The following SEMA6D variants were observed in gnomAD, a reference collection of about 807,000 sequenced individuals.
SEMA6D encodes the protein semaphorin-6D.
In SEMA6D, 35 loss-of-function variants were observed where a neutral mutation model predicts 106.6. That is an observed-to-expected ratio of 0.33 (90% confidence interval 0.25 to 0.44). The LOEUF is 0.44. Among genes scored for constraint, SEMA6D ranks in the 20% least tolerant of loss-of-function variants. The pLI is 1.00. For missense variants in SEMA6D, 1,185 were observed against 1,345.9 expected, an observed-to-expected ratio of 0.88 and a Z score of 1.87; for synonymous variants, 499 against 487.7, an observed-to-expected ratio of 1.02 and a Z score of -0.31.
chr15:47,666,339 C>A (rs1481050459), intron 4 of SEMA6D, among the ~76,000 whole-genome samples: 1 of 152,170 alleles, frequency 6.6e-6, no homozygotes, highest in African/African-American at 2.4e-5. Flanking sequence ...TAAGAAAACC[C>A]CTATTTTGCC....
intron 3 of SEMA6D, among the ~76,000 whole-genome samples, chr15:47,531,248 C>T (rs2044951611): frequency 1.3e-5 from 2 of 152,300 alleles, no homozygotes; most frequent in South Asian, 2.1e-4. Flanking sequence ...CAAATAGACA[C>T]TTTAAAATTA....
At chr15:47,356,423 G>A (rs1480034283) in intron 1 of SEMA6D, among the ~76,000 whole-genome samples, 4 of 152,184 alleles carry the variant, frequency 2.6e-5, no homozygotes, top group Admixed American at 2.6e-4. Flanking sequence ...GCACAAATGA[G>A]AGCACAGTTA....
chr15:47,518,585 A>G (rs1169905610), intron 3 of SEMA6D, among the ~76,000 whole-genome samples: 1 of 152,244 alleles, frequency 6.6e-6, no homozygotes, highest in Non-Finnish European at 1.5e-5. Context: ...AACAACGGTA[A>G]GTATTTATAT....
intron 2 of SEMA6D, among the ~76,000 whole-genome samples, chr15:47,469,720 A>G (rs924966312): frequency 1.3e-5 from 2 of 151,938 alleles, no homozygotes; most frequent in African/African-American, 2.4e-5. Flanking sequence ...TTAGCTTCCA[A>G]TCTCCCAGGT....
At chr15:47,257,094 G>A (rs1363412422) in intron 1 of SEMA6D, among the ~76,000 whole-genome samples, 1 of 141,940 alleles carries the variant, frequency 7.0e-6, no homozygotes, top group Non-Finnish European at 1.5e-5. Context: ...GTCTCGCTCT[G>A]TTGCCCAGGC....
chr15:47,227,419 C>CTCTCTCTTTCTTTCTTTCTT (rs141918693), intron 1 of SEMA6D, among the ~76,000 whole-genome samples: 39 of 115,426 alleles, frequency 3.4e-4, no homozygotes, highest in South Asian at 1.7e-3. Context: ...TTCTTTCTTT[C>CTCTCTCTTTCTTTCTTTCTT]TCTTTCTTTC....
intron 1 of SEMA6D, among the ~76,000 whole-genome samples, chr15:47,216,113 T>C (rs1000335354): frequency 6.6e-6 from 1 of 152,138 alleles, no homozygotes; most frequent in Non-Finnish European, 1.5e-5. Context: ...ATGGTTCTTT[T>C]TTTCTTTTAA....
intron 3 of SEMA6D, among the ~76,000 whole-genome samples, chr15:47,599,814 A>G (rs2076610586): frequency 6.6e-6 from 1 of 152,090 alleles, no homozygotes; most frequent in East Asian, 1.9e-4. Flanking sequence ...TAATCAATCA[A>G]TTTTGCCCAT....
intron 1 of SEMA6D, among the ~76,000 whole-genome samples, chr15:47,235,430 C>T (rs969713263): frequency 2.6e-5 from 4 of 151,708 alleles, no homozygotes; most frequent in African/African-American, 9.7e-5. Context: ...AAGTGTTTTC[C>T]CTAGGTTTTA....
At chr15:47,708,998 CT>C (rs1044124477) in intron 4 of SEMA6D, among the ~76,000 whole-genome samples, 2 of 152,118 alleles carry the variant, frequency 1.3e-5, no homozygotes, top group African/African-American at 4.8e-5. Flanking sequence ...ACTCTTAATC[CT>C]TTTTTCCCTA....
intron 2 of SEMA6D, among the ~76,000 whole-genome samples, chr15:47,431,756 C>G (rs892275256): frequency 6.6e-6 from 1 of 152,044 alleles, no homozygotes; most frequent in African/African-American, 2.4e-5. Context: ...TTCACATGCA[C>G]GAAAGAAATG....
chr15:47,354,728 C>T (rs894694357), intron 1 of SEMA6D, among the ~76,000 whole-genome samples: 2 of 151,946 alleles, frequency 1.3e-5, no homozygotes, highest in African/African-American at 4.8e-5. Flanking sequence ...GTAGTTCTGG[C>T]AAATGTAGCT....
At position 47,583,572 on chromosome 15, in the gene SEMA6D, A is replaced by T. The variant is rs560004580; in HGVS notation, c.-86-17293A>T. ...TCAGGATTGCGTCCTTTGTGCCTAG[A>T]CATGGCCCTCTTTTAAAAGTAGTCA... On this transcript the variant is annotated intron_variant, in intron 3 of 19. Transcript: ENST00000558014. Among the ~76,000 whole-genome samples, 134 of 152,312 alleles carry T rather than the reference A, an allele frequency of 8.8e-4. 2 individuals carry two copies. Among genetic ancestry groups the T allele is most frequent in the African/African-American group, 3.1e-3 (130 of 41,570 alleles).
At position 47,619,077 on chromosome 15, in the gene SEMA6D, T is replaced by C. The variant is rs946868075; in HGVS notation, c.-55+18181T>C. Reference sequence around the variant, plus strand: ...AGGAACTCAGCCGACGTTGCAGGATTCAAGCACAGGCAGTTGTGCAGGCCA... The same window carrying C: ...AGGAACTCAGCCGACGTTGCAGGATCCAAGCACAGGCAGTTGTGCAGGCCA... On this transcript the variant is annotated intron_variant, in intron 4 of 19. Transcript: ENST00000558014. Among the ~76,000 whole-genome samples, 8 of 152,186 alleles carry C rather than the reference T, an allele frequency of 5.3e-5. No homozygotes were observed. The South Asian group carries it at 6.2e-4, about 12-fold the overall frequency.
intron 3 of SEMA6D, among the ~76,000 whole-genome samples, chr15:47,496,811 C>G (rs1440801178): frequency 6.6e-6 from 1 of 151,982 alleles, no homozygotes; most frequent in African/African-American, 2.4e-5. Context: ...CTTCACTCCT[C>G]TCATCTAGCT....
At chr15:47,637,646 C>T (rs1049379340) in intron 4 of SEMA6D, among the ~76,000 whole-genome samples, 31 of 152,056 alleles carry the variant, frequency 2.0e-4, no homozygotes, top group African/African-American at 7.5e-4. Flanking sequence ...CTATAATAAG[C>T]TTTTGGAAGT....
chr15:47,516,443 C>A (rs763836224), intron 3 of SEMA6D, among the ~76,000 whole-genome samples: 1 of 152,160 alleles, frequency 6.6e-6, no homozygotes, highest in Non-Finnish European at 1.5e-5. Flanking sequence ...TATTGATGAT[C>A]TAGTTTTGAA....
chr15:47,626,959 A>G (rs1318728914), intron 4 of SEMA6D, among the ~76,000 whole-genome samples: 1 of 152,192 alleles, frequency 6.6e-6, no homozygotes, highest in African/African-American at 2.4e-5. Context: ...GAACACTAAC[A>G]ATAGGGATGT....
intron 4 of SEMA6D, among the ~76,000 whole-genome samples, chr15:47,645,960 T>C (rs1223029916): frequency 1.3e-5 from 2 of 152,128 alleles, no homozygotes; most frequent in African/African-American, 4.8e-5. Context: ...AGCTTCCGTG[T>C]CCTCTCAGGG....
Sources: allele counts gnomAD v4.1 joint callset (sites outside exome capture counted in the v4.1 genomes callset), GRCh38; gene constraint gnomAD v4.1.1; transcripts MANE v1.5; gene names NCBI Gene and HGNC (gene_info 2026-07-23, HGNC 2026-07-21).